RBFOX3: variants seen among roughly 807,000 people sequenced by gnomAD.
The protein encoded by RBFOX3 is RNA binding protein fox-1 homolog 3.
A neutral mutation model predicts 48.7 loss-of-function variants in RBFOX3; 17 were observed. That is an observed-to-expected ratio of 0.35 (90% CI 0.24 to 0.52). The LOEUF (loss-of-function observed/expected upper bound fraction) is 0.52, where lower values mean the gene tolerates loss of function less well. Among genes scored for constraint, RBFOX3 ranks in the 20% least tolerant of loss-of-function variants. The probability of loss-of-function intolerance (pLI) is 0.94; values close to 1 mark genes in which losing one functional copy is unlikely to be tolerated. For synonymous variants in RBFOX3, 212 were observed against 209.5 expected (o/e 1.01, Z -0.10); for missense variants, 382 against 497.5 (o/e 0.77, Z 2.21).
At chr17:79,410,081 C>T (rs2064080422) in intron 2 of RBFOX3, among the ~76,000 whole-genome samples, 1 of 152,256 alleles carries the variant, frequency 6.6e-6, no homozygotes, top group Non-Finnish European at 1.5e-5. Context: ...CACTCTCCAC[C>T]CTTCAGCTCT....
chr17:79,112,908 G>GC (rs1181305662), intron 5 of RBFOX3, among the ~76,000 whole-genome samples: 27 of 135,406 alleles, frequency 2.0e-4, no homozygotes, highest in African/African-American at 3.6e-4. Flanking sequence ...GGCTCTCGGG[G>GC]GGGGGGTGGG....
chr17:79,635,799 G>T, the RBFOX3 span, among the ~76,000 whole-genome samples: 1 of 152,026 alleles, frequency 6.6e-6, no homozygotes, highest in African/African-American at 2.4e-5. Flanking sequence ...AAATATAAAT[G>T]GTCATTAAAC....
At chr17:79,383,936 G>A (rs943897295) in intron 2 of RBFOX3, among the ~76,000 whole-genome samples, 8 of 152,324 alleles carry the variant, frequency 5.3e-5, no homozygotes, top group African/African-American at 1.4e-4. Flanking sequence ...ATGTCAGAGG[G>A]GGGGGCAATC....
chr17:79,363,035 C>A lies in RBFOX3; in HGVS notation c.-174-55211G>T, dbSNP rs534943618. On this transcript the variant is annotated intron_variant, in intron 2 of 14. Coordinates refer to ENST00000693108, the MANE Select transcript of RBFOX3 (RefSeq NM_001350451.2). This position sits in a 1 kb window ranked among gnomAD's most constrained non-coding sequence, Gnocchi z 4.7. The stretch of plus-strand genomic sequence containing the variant: ...GAGTACCTTCTCCAAGTGCAGAAAA[C>A]GGAGAATTACGGGAAAGTAAAAATT... 6.6e-6 allele frequency among the ~76,000 whole-genome samples: 1 copy of A among 152,196 alleles called. No homozygotes were observed. The highest frequency in any genetic ancestry group is 1.5e-5 in the Non-Finnish European group (1 of 68,042).
chr17:79,541,804 C>T (rs1175187854), intron 1 of RBFOX3, among the ~76,000 whole-genome samples: 1 of 152,164 alleles, frequency 6.6e-6, no homozygotes, highest in Non-Finnish European at 1.5e-5. Flanking sequence ...TTCTTCATCT[C>T]ACTGACAGAG....
At chr17:79,551,443 A>G (rs2091135376) in intron 1 of RBFOX3, among the ~76,000 whole-genome samples, 1 of 149,380 alleles carries the variant, frequency 6.7e-6, no homozygotes. Flanking sequence ...CGGTGGATGG[A>G]TGCCTGGTTG....
At chr17:79,494,809 C>T (rs1159700488) in intron 1 of RBFOX3, among the ~76,000 whole-genome samples, 3 of 152,160 alleles carry the variant, frequency 2.0e-5, no homozygotes, top group Admixed American at 1.3e-4. Flanking sequence ...CTGTGGCCAG[C>T]GGCACAGTCA....
chr17:79,302,071 T>C (rs2377397), intron 3 of RBFOX3, among the ~76,000 whole-genome samples: 47,119 of 152,060 alleles, frequency 0.31, 7,537 homozygotes, highest in South Asian at 0.43. Context: ...CAAATGCACT[T>C]ATACCACTGA....
At chr17:79,572,806 T>C (rs2092724692) in intron 1 of RBFOX3, among the ~76,000 whole-genome samples, 1 of 152,168 alleles carries the variant, frequency 6.6e-6, no homozygotes. Flanking sequence ...ACCAGAATAA[T>C]GGCCACGCTG....
At chr17:79,105,943 C>A (rs996645325) in intron 6 of RBFOX3, among the ~76,000 whole-genome samples, 3 of 152,218 alleles carry the variant, frequency 2.0e-5, no homozygotes, top group Non-Finnish European at 4.4e-5. Context: ...GGCATCAACA[C>A]CTGCCTGGCG....
rs907772129 is a variant in RBFOX3, at chr17:79,214,884, C to G, written c.-34+20882G>C. Among the ~76,000 whole-genome samples the G allele has an allele frequency of 4.6e-5, 7 of 152,200 alleles. No individual in the cohort carries two copies. The highest frequency in any genetic ancestry group is 1.0e-4 in the Non-Finnish European group (7 of 68,028). On this transcript the variant is annotated intron_variant, in intron 4 of 14. Transcript: ENST00000693108. The surrounding 1 kb of genome is among the most constrained non-coding windows in gnomAD (Gnocchi z 4.7). Reference sequence around the variant, plus strand: ...TATAGAAAGCCTCATTCAGCTCACCCTGTTTGTTCTTTATTTCTCTGGCAA... The same window carrying G: ...TATAGAAAGCCTCATTCAGCTCACCGTGTTTGTTCTTTATTTCTCTGGCAA...
chr17:79,469,298 G>C (rs369093452), intron 2 of RBFOX3, among the ~76,000 whole-genome samples: 2 of 152,174 alleles, frequency 1.3e-5, no homozygotes, highest in Admixed American at 6.5e-5. Flanking sequence ...TATGCTGGGC[G>C]GGCTCAAGTC....
the RBFOX3 span, among the ~76,000 whole-genome samples, chr17:79,662,851 G>A: frequency 2.0e-5 from 3 of 152,128 alleles, no homozygotes; most frequent in Non-Finnish European, 4.4e-5. Context: ...CAGGTAACAG[G>A]CCTGAAGCTG....
At chr17:79,379,540 T>C (rs57359207) in intron 2 of RBFOX3, among the ~76,000 whole-genome samples, 39,484 of 152,112 alleles carry the variant, frequency 0.26, 5,088 homozygotes, top group Middle Eastern at 0.31. Flanking sequence ...CAAACACCAC[T>C]ATCATTTTAA....
intron 2 of RBFOX3, among the ~76,000 whole-genome samples, chr17:79,367,167 C>T (rs2057890277): frequency 6.6e-6 from 1 of 151,962 alleles, no homozygotes; most frequent in Non-Finnish European, 1.5e-5. Context: ...GGACCCCAGC[C>T]TCAGACACCC....
rs1764387084 is a variant in RBFOX3 at position 79,465,378 on chromosome 17, A to G, written c.-175+17076T>C. ...TTCCCTCCAGAAACAATCTCACGCA[A>G]TCCTGTTAAGTACACACCACGGAGG... On this transcript the variant is annotated intron_variant, in intron 2 of 14. Transcript: ENST00000693108. Among the ~76,000 whole-genome samples the G allele has an allele frequency of 1.3e-5, 2 of 152,100 alleles. 1 individual carries two copies. The highest frequency in any genetic ancestry group is 4.1e-4 in the South Asian group (2 of 4,822).
At chr17:79,509,297 G>C (rs1284062111) in intron 1 of RBFOX3, among the ~76,000 whole-genome samples, 2 of 152,216 alleles carry the variant, frequency 1.3e-5, no homozygotes, top group African/African-American at 4.8e-5. Context: ...TCTCTAGGAC[G>C]CTGGAGCTAC....
At chr17:79,543,806 C>A (rs1431408831) in intron 1 of RBFOX3, among the ~76,000 whole-genome samples, 1 of 150,456 alleles carries the variant, frequency 6.6e-6, no homozygotes, top group Non-Finnish European at 1.5e-5. Context: ...TAATTCAGAG[C>A]TACTGGTCAA....
At chr17:79,527,062 C>T (rs1044426573) in intron 1 of RBFOX3, among the ~76,000 whole-genome samples, 4 of 152,196 alleles carry the variant, frequency 2.6e-5, no homozygotes, top group Non-Finnish European at 5.9e-5. Context: ...AGCCTGAGCT[C>T]CACCTCTGTC....
Sources: allele counts gnomAD v4.1 joint callset (sites outside exome capture counted in the v4.1 genomes callset), GRCh38; gene constraint gnomAD v4.1.1; non-coding constraint Gnocchi (gnomAD v3.1); transcripts MANE v1.5; gene names NCBI Gene and HGNC (gene_info 2026-07-23, HGNC 2026-07-21).